Variants in CD82 observed in about 807,000 individuals in gnomAD.
The protein encoded by CD82 is CD82 antigen.
CD82 carries 36 observed loss-of-function variants against 37.4 expected under a neutral mutation model. The ratio of observed to expected loss-of-function variants is 0.96; its 90% CI spans 0.74 to 1.27. The LOEUF (loss-of-function observed/expected upper bound fraction) is 1.27, where lower values mean the gene tolerates loss of function less well. Ranked by LOEUF, CD82 falls within the 50% of genes most tolerant of loss-of-function variation. The pLI, the probability that CD82 is intolerant of heterozygous loss-of-function variation, is 0.00. For synonymous variants in CD82, 158 were observed against 137.4 expected, an observed-to-expected ratio of 1.15 and a Z score of -1.05; for missense variants, 340 against 347.0, an observed-to-expected ratio of 0.98 and a Z score of 0.16.
intron 7 of CD82, among the ~76,000 whole-genome samples, chr11:44,615,678 GT>G (rs1474215472): frequency 1.3e-5 from 2 of 152,174 alleles, no homozygotes; most frequent in African/African-American, 4.8e-5. Context: ...TCCACTCTGG[GT>G]TTTAGGAAAC....
At chr11:44,564,778 C>T (rs1191377528), upstream of CD82, among the ~76,000 whole-genome samples, 1 of 152,218 alleles carries the variant, frequency 6.6e-6, no homozygotes, top group Non-Finnish European at 1.5e-5. Context: ...TCCAGGCAAG[C>T]TGGGGCAGCT....
intron 1 of CD82, among the ~76,000 whole-genome samples, chr11:44,585,495 C>T (rs1362763810): frequency 1.3e-5 from 2 of 152,182 alleles, no homozygotes; most frequent in African/African-American, 4.8e-5. Flanking sequence ...GAGGAGAGGG[C>T]CAGGCACCAG....
chr11:44,614,922 A>G (rs947946589), intron 6 of CD82, among the ~76,000 whole-genome samples: 3 of 152,192 alleles, frequency 2.0e-5, no homozygotes, highest in South Asian at 2.1e-4. Flanking sequence ...CAGAGGACAG[A>G]AGGCCTGGGG....
chr11:44,586,800 C>G (rs983136487), intron 1 of CD82, among the ~76,000 whole-genome samples: 2 of 152,250 alleles, frequency 1.3e-5, no homozygotes, highest in African/African-American at 2.4e-5. Flanking sequence ...CCTGATCTCT[C>G]TAGACCTCCC....
rs975104257 is a variant in CD82 at position 44,597,250 on chromosome 11, A to G, written c.63+2525A>G. ...TCCCCAGCGCATTGCCACTTTTCTC[A>G]GGTCCAAAGGAATGCAGAGGCACTG... On this transcript the variant is annotated intron_variant, in intron 3 of 9. Coordinates refer to ENST00000227155, the MANE Select transcript of CD82 (RefSeq NM_002231.4). The surrounding 1 kb of genome is among the most constrained non-coding windows in gnomAD (Gnocchi z 4.1). Among the ~76,000 whole-genome samples, 1 of 152,204 alleles carries G rather than the reference A, an allele frequency of 6.6e-6. No individual in the cohort carries two copies. The highest frequency in any genetic ancestry group is 2.4e-5 in the African/African-American group (1 of 41,454).
rs1286123126 is a variant in CD82, at chr11:44,619,085, C to A, written c.763C>A (p.His255Asn). 1.9e-6 allele frequency: 3 copies of A among 1,613,858 alleles called. No individual in the cohort carries two copies. In the South Asian group the frequency reaches 3.3e-5, roughly 18 times the overall value. ...GMVLSICLCR[H>N]VHSEDYSKVP... ...GGTCCTGTCCATCTGCTTGTGCCGG[C>A]ACGTCCATTCCGAAGACTACAGCAA... The change falls in exon 10 of 10, where the codon CAC becomes AAC. Residue 255 changes from histidine (H) to asparagine (N), a missense_variant. By Grantham distance (68) the His-to-Asn change is moderately conservative. Coordinates refer to ENST00000227155, the MANE Select transcript of CD82 (RefSeq NM_002231.4).
intron 1 of CD82, among the ~76,000 whole-genome samples, chr11:44,580,988 C>T (rs935081786): frequency 6.6e-6 from 1 of 152,118 alleles, no homozygotes; most frequent in Non-Finnish European, 1.5e-5. Context: ...AGTCCCCCTC[C>T]CTCTCTCTAA....
intron 2 of CD82, among the ~76,000 whole-genome samples, chr11:44,588,213 T>TTG (rs1554966296): frequency 8.0e-6 from 1 of 125,450 alleles, no homozygotes; most frequent in Non-Finnish European, 1.6e-5. Flanking sequence ...TTTGGGGTTT[T>TTG]TTTTTTGTTT....
chr11:44,601,341 T>C (rs925071430), intron 4 of CD82, among the ~76,000 whole-genome samples: 10 of 151,144 alleles, frequency 6.6e-5, no homozygotes, highest in Admixed American at 2.6e-4. Context: ...GCAAGGATGA[T>C]CTACACTCTA....
intron 1 of CD82, among the ~76,000 whole-genome samples, chr11:44,569,811 A>G (rs776338780): frequency 3.3e-5 from 5 of 152,238 alleles, no homozygotes; most frequent in Non-Finnish European, 5.9e-5. Context: ...TTTAGAGTTG[A>G]GATCTCGGCC....
In CD82 at chr11:44,597,052, G is replaced by A. The variant is rs1038935758; in HGVS notation, c.63+2327G>A. ...CAGGGGCAGCCGGTGGAGGCAGAGT[G>A]CACCTCCCCAGGCATAGACCCGGCC... On this transcript the variant is annotated intron_variant, in intron 3 of 9. Coordinates refer to ENST00000227155, the MANE Select transcript of CD82 (RefSeq NM_002231.4). This position sits in a 1 kb window ranked among gnomAD's most constrained non-coding sequence, Gnocchi z 4.1. 1.8e-5 allele frequency: 8 copies of A among 455,498 alleles called. No homozygotes were observed. Among genetic ancestry groups the A allele is most frequent in the Non-Finnish European group, 3.5e-5 (8 of 226,908 alleles). 28.2% of individuals were successfully genotyped at this position (455,498 alleles called of 1,614,324 possible). A position where few individuals can be genotyped will look rare whatever the true frequency, so the allele number is the denominator to read the frequency against.
chr11:44,581,578 CTGGGTGCTCCCTGAGGGCAGGGA>C (rs1196364726), intron 1 of CD82, among the ~76,000 whole-genome samples: 35 of 152,352 alleles, frequency 2.3e-4, no homozygotes, highest in African/African-American at 8.4e-4. Context: ...CCTCTCCAGA[CTGGGTGCTCCCTGAGGGCAGGGA>C]TGGGTTGGAG....
chr11:44,616,608 G>A (rs557043786), intron 7 of CD82, among the ~76,000 whole-genome samples: 9 of 152,270 alleles, frequency 5.9e-5, no homozygotes, highest in East Asian at 5.8e-4. Flanking sequence ...TGCCACAGCC[G>A]CTAGACCTTT....
intron 2 of CD82, among the ~76,000 whole-genome samples, chr11:44,592,782 A>G (rs1853164137): frequency 6.6e-6 from 1 of 152,176 alleles, no homozygotes; most frequent in South Asian, 2.1e-4. Context: ...AGTCACTGCC[A>G]TCTCTGCAAT....
chr11:44,603,038 G>A (rs924544858), intron 4 of CD82, among the ~76,000 whole-genome samples: 5 of 152,196 alleles, frequency 3.3e-5, no homozygotes, highest in South Asian at 2.1e-4. Flanking sequence ...GGCACACGGC[G>A]GCTGTCTGGG....
At chr11:44,572,833 G>A (rs1852833278) in intron 1 of CD82, among the ~76,000 whole-genome samples, 5 of 152,142 alleles carry the variant, frequency 3.3e-5, no homozygotes, top group Admixed American at 3.3e-4. Context: ...GCTCTAAATG[G>A]AAGCCGGTGG....
intron 6 of CD82, among the ~76,000 whole-genome samples, chr11:44,605,805 G>C (rs527478136): frequency 3.9e-5 from 6 of 152,152 alleles, no homozygotes; most frequent in Non-Finnish European, 7.4e-5. Flanking sequence ...ATAGCGCATG[G>C]CACCATAAGT....
chr11:44,598,570 G>C (rs147655440), intron 3 of CD82, among the ~76,000 whole-genome samples: 11 of 151,798 alleles, frequency 7.2e-5, no homozygotes, highest in African/African-American at 2.7e-4. Context: ...CCATCAACAC[G>C]CCCAGCTAAT....
intron 1 of CD82, among the ~76,000 whole-genome samples, chr11:44,580,446 G>A (rs1852963989): frequency 6.6e-6 from 1 of 152,256 alleles, no homozygotes; most frequent in African/African-American, 2.4e-5. Context: ...AGGGTAGACA[G>A]GCCAGGCGCG....
Sources: gnomAD v4.1 joint callset for allele counts (sites outside exome capture counted in the v4.1 genomes callset) on GRCh38, gnomAD v4.1.1 for gene constraint, Gnocchi (gnomAD v3.1) non-coding constraint, MANE v1.5 for transcripts, NCBI Gene and HGNC (gene_info 2026-07-23, HGNC 2026-07-21) for gene names.